The following PLEKHA6 variants were observed in gnomAD, a reference collection of about 807,000 sequenced individuals.
The protein encoded by PLEKHA6 is pleckstrin homology domain-containing family A member 6.
Under a neutral mutation model 116.7 loss-of-function variants are expected in PLEKHA6, and 60 were observed. That is an observed-to-expected ratio of 0.51 (90% CI 0.42 to 0.64). The LOEUF is 0.64. Among genes scored for constraint, PLEKHA6 ranks in the 30% least tolerant of loss-of-function variants. The probability of loss-of-function intolerance (pLI) is 0.00; values close to 1 mark genes in which losing one functional copy is unlikely to be tolerated. For missense variants in PLEKHA6, 1,338 were observed against 1,422.7 expected (o/e 0.94, Z 0.96); for synonymous variants, 489 against 556.1 (o/e 0.88, Z 1.70).
Position 204,261,959 on chromosome 1 carries a change from C to T in PLEKHA6, c.382-511G>A, listed in dbSNP as rs750654425. ...ACTGGCATACAGATGGGGCACACTA[C>T]CTAGTTGGTGGCTGCGAGCAGGTAC... On this transcript the variant is annotated intron_variant, in intron 6 of 22. Transcript: ENST00000272203. The surrounding 1 kb of genome is among the most constrained non-coding windows in gnomAD (Gnocchi z 4.0). The T allele has an allele frequency of 6.0e-6, 1 of 165,986 alleles. No homozygotes were observed. The highest frequency in any genetic ancestry group is 1.3e-5 in the Non-Finnish European group (1 of 77,410). The allele number at this position is 165,986 out of a possible 1,614,324, so 10.3% of individuals were successfully genotyped here.
intron 1 of PLEKHA6, among the ~76,000 whole-genome samples, chr1:204,372,036 A>G (rs59505202): frequency 9.5e-4 from 145 of 152,332 alleles, no homozygotes; most frequent in African/African-American, 3.4e-3. Flanking sequence ...TGGGAAAAAC[A>G]AGGAAGGTCC....
At chr1:204,315,010 A>G (rs1441012897) in intron 1 of PLEKHA6, among the ~76,000 whole-genome samples, 1 of 152,120 alleles carries the variant, frequency 6.6e-6, no homozygotes. Flanking sequence ...GCACCACACC[A>G]AGATATGTGG....
At chr1:204,348,201 G>A (rs77378664) in intron 1 of PLEKHA6, among the ~76,000 whole-genome samples, 6,923 of 152,266 alleles carry the variant, frequency 0.045, 167 homozygotes, top group African/African-American at 0.054. Flanking sequence ...TGGGTGCTGA[G>A]TAAATTAACA....
chr1:204,284,753 C>T (rs1227219698), intron 1 of PLEKHA6, among the ~76,000 whole-genome samples: 6 of 152,048 alleles, frequency 3.9e-5, no homozygotes, highest in South Asian at 4.2e-4. Context: ...AGGGTAAGGC[C>T]GGTGGTCTCA....
At chr1:204,314,075 G>A (rs1473982104) in intron 1 of PLEKHA6, among the ~76,000 whole-genome samples, 4 of 152,180 alleles carry the variant, frequency 2.6e-5, no homozygotes, top group Non-Finnish European at 5.9e-5. Flanking sequence ...CCCAGATGGG[G>A]AGGGACAGGA....
At chr1:204,232,550 G>A (rs1296721594) in intron 17 of PLEKHA6, among the ~76,000 whole-genome samples, 1 of 152,186 alleles carries the variant, frequency 6.6e-6, no homozygotes, top group Non-Finnish European at 1.5e-5. Context: ...CAAAGTTTTT[G>A]AGACTGTTAT....
rs147545686 is a variant in PLEKHA6 at position 204,292,436 on chromosome 1, G to A, written c.-94-17627C>T. On this transcript the variant is annotated intron_variant, in intron 1 of 22. Transcript: ENST00000272203. Reference sequence around the variant, plus strand: ...TCTTTCCTCAGGGCCACAAGGAGCTGCCCCGACCTGGCTGATGCCCACCTA... The same window carrying A: ...TCTTTCCTCAGGGCCACAAGGAGCTACCCCGACCTGGCTGATGCCCACCTA... Among the ~76,000 whole-genome samples the A allele has an allele frequency of 2.2e-3, 328 of 152,302 alleles. 1 individual carries two copies. Among genetic ancestry groups the A allele is most frequent in the African/African-American group, 7.6e-3 (316 of 41,570 alleles).
At position 204,273,676 on chromosome 1, in the gene PLEKHA6, G is replaced by T; in HGVS notation, c.52C>A (p.Pro18Thr). 1 of 1,614,154 alleles carries T rather than the reference G, an allele frequency of 6.2e-7. No individual in the cohort carries two copies. The highest frequency in any genetic ancestry group is 8.5e-7 in the Non-Finnish European group (1 of 1,180,012). ...ACCTCGGACACCATGTTGTGGTTGG[G>T]TATGTCACTGTTGGTGGTAGCCGGG... ...KRPATTNSDI[P>T]NHNMVSEVPP... The change falls in exon 3 of 23, where the codon CCC becomes ACC. Residue 18 changes from proline to threonine, a missense_variant. By Grantham distance (38) the Pro-to-Thr change is conservative. Coordinates refer to ENST00000272203, the MANE Select transcript of PLEKHA6 (RefSeq NM_014935.5).
intron 9 of PLEKHA6, among the ~76,000 whole-genome samples, chr1:204,254,697 T>A (rs945955158): frequency 1.3e-5 from 2 of 152,156 alleles, no homozygotes; most frequent in Non-Finnish European, 2.9e-5. Flanking sequence ...TTAAATGAGT[T>A]AAGATCTGAA....
chr1:204,331,664 CAAAT>C (rs1672454046), intron 1 of PLEKHA6, among the ~76,000 whole-genome samples: 5 of 151,578 alleles, frequency 3.3e-5, no homozygotes, highest in Admixed American at 2.0e-4. Flanking sequence ...TTTCAGAGCT[CAAAT>C]TTGCCAAGTA....
At chr1:204,281,866 T>G (rs749465293) in intron 1 of PLEKHA6, among the ~76,000 whole-genome samples, 11 of 152,118 alleles carry the variant, frequency 7.2e-5, no homozygotes, top group Non-Finnish European at 1.3e-4. Flanking sequence ...CTGCTCCCTT[T>G]CCTGCTTCAC....
rs547189038 is a variant in PLEKHA6, at chr1:204,273,804, T to A, written c.-13-64A>T. 16 of 1,174,948 alleles carry A rather than the reference T, an allele frequency of 1.4e-5. No homozygotes were observed. The African/African-American group carries it at 1.5e-4, about 11-fold the overall frequency. The allele number at this position is 1,174,948 out of a possible 1,614,324, so 72.8% of individuals were successfully genotyped here. On this transcript the variant is annotated intron_variant, in intron 2 of 22. Transcript: ENST00000272203. ...TCCAAGAAACAATGGAAACAGCCCA[T>A]CCTTTTTCCACACCCTGCCACCCAC... is the stretch of plus-strand genomic sequence containing the variant.
At position 204,261,654 on chromosome 1, in the gene PLEKHA6, T is replaced by C. The variant is rs1365243589; in HGVS notation, c.382-206A>G. 3 of 584,264 alleles carry C rather than the reference T, an allele frequency of 5.1e-6. No homozygotes were observed. The highest frequency in any genetic ancestry group is 9.0e-6 in the Non-Finnish European group (3 of 334,142). 36.2% of individuals were successfully genotyped at this position (584,264 alleles called of 1,614,324 possible). A position where few individuals can be genotyped will look rare whatever the true frequency, so the allele number is the denominator to read the frequency against. On this transcript the variant is annotated intron_variant, in intron 6 of 22. Transcript: ENST00000272203. The surrounding 1 kb of genome is among the most constrained non-coding windows in gnomAD (Gnocchi z 4.0). ...CCGAGGGTTCCAGCTGGTACCCACG[T>C]ATCCACCTTGGCTGGCTCTCTGGGC...
intron 1 of PLEKHA6, among the ~76,000 whole-genome samples, chr1:204,331,199 CAAAAAAA>C (rs5780231): frequency 4.0e-5 from 3 of 75,824 alleles, no homozygotes; most frequent in Non-Finnish European, 5.2e-5. Flanking sequence ...GACTCTGTCT[CAAAAAAA>C]AAAAAAAAAA....
intron 1 of PLEKHA6, among the ~76,000 whole-genome samples, chr1:204,323,926 C>A (rs1558181632): frequency 6.6e-6 from 1 of 152,138 alleles, no homozygotes; most frequent in Non-Finnish European, 1.5e-5. Context: ...AGGACCTGGG[C>A]AGACTGACTC....
intron 3 of PLEKHA6, among the ~76,000 whole-genome samples, chr1:204,270,440 T>G (rs1461300578): frequency 6.6e-6 from 1 of 152,118 alleles, no homozygotes; most frequent in Non-Finnish European, 1.5e-5. Flanking sequence ...AAAACTGAAC[T>G]CATTTTCTTT....
rs142074165 is a variant in PLEKHA6, at chr1:204,326,900, T to A, written c.-95+32794A>T. The A allele has an allele frequency of 1.7e-3, 1,253 of 752,354 alleles. 12 individuals carry two copies. The African/African-American group carries it at 0.022, about 13-fold the overall frequency. 46.6% of individuals were successfully genotyped at this position (752,354 alleles called of 1,614,324 possible). ...CTCCCTCCTTCCTATATGATCCAAATAGGGTGAGGAACTGCTCACTGCCCA... is the reference window on the plus strand; with the variant it reads ...CTCCCTCCTTCCTATATGATCCAAAAAGGGTGAGGAACTGCTCACTGCCCA... On this transcript the variant is annotated intron_variant, in intron 1 of 22. Coordinates refer to ENST00000272203, the MANE Select transcript of PLEKHA6 (RefSeq NM_014935.5).
intron 1 of PLEKHA6, among the ~76,000 whole-genome samples, chr1:204,287,699 G>A (rs887485102): frequency 1.3e-5 from 2 of 151,990 alleles, no homozygotes; most frequent in East Asian, 1.9e-4. Flanking sequence ...CCTTCCTCCC[G>A]TGGCCCCATC....
At chr1:204,250,647 G>A (rs751419726) in intron 9 of PLEKHA6, 33 bp from the exon 10 acceptor site, 1 of 1,488,974 alleles carries the variant, frequency 6.7e-7, no homozygotes, top group South Asian at 1.1e-5. Flanking sequence ...ACTGCAGCAG[G>A]GGCAGGATGA....
Sources: gnomAD v4.1 joint callset for allele counts (sites outside exome capture counted in the v4.1 genomes callset) on GRCh38, gnomAD v4.1.1 for gene constraint, Gnocchi (gnomAD v3.1) non-coding constraint, MANE v1.5 for transcripts, NCBI Gene and HGNC (gene_info 2026-07-23, HGNC 2026-07-21) for gene names.